The following RIMKLB variants were observed in gnomAD, a reference collection of about 807,000 sequenced individuals.
RIMKLB encodes the protein ribosomal modification protein rimK like family member B.
RIMKLB carries 7 observed loss-of-function variants against 32.0 expected under a neutral mutation model. The observed-to-expected ratio is 0.22, with a 90% confidence interval of 0.12 to 0.41. The LOEUF is 0.41. Ranked by LOEUF, RIMKLB falls within the 10% of genes least tolerant of loss-of-function variation. The pLI is 1.00. For synonymous variants in RIMKLB, 172 were observed against 185.1 expected (o/e 0.93, Z 0.57); for missense variants, 289 against 498.7 (o/e 0.58, Z 4.00).
At chr12:8,757,331 C>T (rs1565407116) in intron 5 of RIMKLB, among the ~76,000 whole-genome samples, 1 of 151,894 alleles carries the variant, frequency 6.6e-6, no homozygotes, top group African/African-American at 2.4e-5. Context: ...GGTTTGAGAC[C>T]AGCCTGAACA....
chr12:8,748,605 T>G (rs749173263), intron 2 of RIMKLB, among the ~76,000 whole-genome samples: 164 of 148,242 alleles, frequency 1.1e-3, no homozygotes, highest in African/African-American at 3.8e-3. Context: ...AATTTATATA[T>G]TTTTTATATA....
chr12:8,710,651 A>G (rs758317521), intron 1 of RIMKLB, among the ~76,000 whole-genome samples: 3 of 152,106 alleles, frequency 2.0e-5, no homozygotes, highest in Non-Finnish European at 1.5e-5. Flanking sequence ...TCAGAGGGGA[A>G]TATTATTTTC....
At chr12:8,686,417 A>G (rs1193851803) in intron 1 of RIMKLB, among the ~76,000 whole-genome samples, 5 of 149,412 alleles carry the variant, frequency 3.3e-5, no homozygotes, top group Non-Finnish European at 1.5e-5. Flanking sequence ...CCTCCCCACC[A>G]CAGACGCGTG....
At chr12:8,690,693 T>A (rs908572440) in intron 1 of RIMKLB, among the ~76,000 whole-genome samples, 2 of 152,070 alleles carry the variant, frequency 1.3e-5, no homozygotes, top group African/African-American at 4.8e-5. Context: ...GGAAGGCCAA[T>A]GCAGGTGGAT....
At chr12:8,745,434 G>A (rs754461677) in intron 2 of RIMKLB, among the ~76,000 whole-genome samples, 1 of 150,876 alleles carries the variant, frequency 6.6e-6, no homozygotes, top group Non-Finnish European at 1.5e-5. Flanking sequence ...CACTCTTGTT[G>A]CCCAGGCTGG....
chr12:8,706,366 C>T (rs952416334), intron 1 of RIMKLB, among the ~76,000 whole-genome samples: 1 of 151,706 alleles, frequency 6.6e-6, no homozygotes, highest in African/African-American at 2.4e-5. Flanking sequence ...TCTTGAACTC[C>T]TGACCTCAGG....
At position 8,708,726 on chromosome 12, in the gene RIMKLB, A is replaced by G. The variant is rs779655897; in HGVS notation, c.-56-5085A>G. Among the ~76,000 whole-genome samples the G allele has an allele frequency of 1.2e-4, 19 of 152,338 alleles. No homozygotes were observed. The South Asian group carries it at 3.9e-3, about 32-fold the overall frequency. The stretch of plus-strand genomic sequence containing the variant: ...AAATTTAGGAAATCTTAAGCAGTGA[A>G]ACAAATGTCTGCTTATTTCCTATTT... On this transcript the variant is annotated intron_variant, in intron 1 of 5. Coordinates refer to ENST00000535829, the MANE Select transcript of RIMKLB (RefSeq NM_001297776.2).
chr12:8,687,553 T>C (rs1942611352), intron 1 of RIMKLB, among the ~76,000 whole-genome samples: 1 of 152,240 alleles, frequency 6.6e-6, no homozygotes, highest in South Asian at 2.1e-4. Flanking sequence ...TCTCTGCCTC[T>C]GCTCTCTCGT....
intron 2 of RIMKLB, among the ~76,000 whole-genome samples, chr12:8,727,855 T>C (rs7959171): frequency 0.82 from 124,621 of 151,208 alleles, 51,607 homozygotes; most frequent in East Asian, 0.92. Flanking sequence ...GAGCCAAGAC[T>C]GTGCCACTGC....
At position 8,751,470 on chromosome 12, in the gene RIMKLB, G is replaced by A. The variant is rs530792273; in HGVS notation, c.407-487G>A. Among the ~76,000 whole-genome samples the A allele has an allele frequency of 2.6e-5, 4 of 152,274 alleles. No individual in the cohort carries two copies. In the South Asian group the frequency reaches 6.2e-4, roughly 24 times the overall value. On this transcript the variant is annotated intron_variant, in intron 3 of 5. Coordinates refer to ENST00000535829, the MANE Select transcript of RIMKLB (RefSeq NM_001297776.2). ...ATGCTTAGTTACCCTAGTGTAGAAAGAACTCTGATTAGTAATGGAGATAAG... is the reference window on the plus strand; with the variant it reads ...ATGCTTAGTTACCCTAGTGTAGAAAAAACTCTGATTAGTAATGGAGATAAG...
chr12:8,781,995 A>T (rs1164469270), downstream of RIMKLB, among the ~76,000 whole-genome samples: 1 of 150,136 alleles, frequency 6.7e-6, no homozygotes, highest in Non-Finnish European at 1.5e-5. Context: ...TATGGTTCTT[A>T]TCTTATTTCA....
upstream of RIMKLB, among the ~76,000 whole-genome samples, chr12:8,677,069 C>T (rs1168950410): frequency 2.0e-5 from 3 of 152,112 alleles, no homozygotes; most frequent in Admixed American, 6.6e-5. Flanking sequence ...CTAGGGTATA[C>T]AGTCTGGAAT....
chr12:8,732,073 T>G (rs1461116812), intron 2 of RIMKLB, among the ~76,000 whole-genome samples: 3 of 152,036 alleles, frequency 2.0e-5, no homozygotes, highest in African/African-American at 7.2e-5. Flanking sequence ...CTTGGTGTCT[T>G]GGGTCCCTTG....
chr12:8,697,846 C>G (rs1017027159), upstream of RIMKLB: 2 of 146,442 alleles, frequency 1.4e-5, no homozygotes, highest in Non-Finnish European at 3.0e-5. Flanking sequence ...CGCCGCCCCC[C>G]GCCCGCCGCG....
At chr12:8,752,281 T>A (rs976105281) in intron 4 of RIMKLB, among the ~76,000 whole-genome samples, 1 of 152,110 alleles carries the variant, frequency 6.6e-6, no homozygotes. Context: ...TCCTCAATAA[T>A]GTAAAGACCG....
At chr12:8,701,596 T>C (rs1943404915) in intron 1 of RIMKLB, among the ~76,000 whole-genome samples, 1 of 152,070 alleles carries the variant, frequency 6.6e-6, no homozygotes, top group African/African-American at 2.4e-5. Context: ...AAGCTAATCA[T>C]TTCTGGATCA....
At chr12:8,693,548 C>G (rs1334260287), upstream of RIMKLB, among the ~76,000 whole-genome samples, 1 of 151,888 alleles carries the variant, frequency 6.6e-6, no homozygotes, top group Non-Finnish European at 1.5e-5. Flanking sequence ...AGGTGCCCAC[C>G]ACCACGCCCA....
At chr12:8,696,280 A>G (rs1169269619), upstream of RIMKLB, among the ~76,000 whole-genome samples, 1 of 152,196 alleles carries the variant, frequency 6.6e-6, no homozygotes, top group Non-Finnish European at 1.5e-5. Flanking sequence ...TTGGAGTTGA[A>G]TATACTTTAT....
chr12:8,762,793 G>A (rs778260860), intron 5 of RIMKLB, among the ~76,000 whole-genome samples: 3 of 152,248 alleles, frequency 2.0e-5, no homozygotes, highest in South Asian at 2.1e-4. Flanking sequence ...TGAGCACTGC[G>A]TACCCTGCTT....
Sources: gnomAD v4.1 joint callset for allele counts (sites outside exome capture counted in the v4.1 genomes callset) on GRCh38, gnomAD v4.1.1 for gene constraint, MANE v1.5 for transcripts, NCBI Gene and HGNC (gene_info 2026-07-23, HGNC 2026-07-21) for gene names.